PEAK1: variants seen among roughly 807,000 people sequenced by gnomAD.
PEAK1 encodes the protein pseudopodium enriched atypical kinase 1.
Under a neutral mutation model 124.7 loss-of-function variants are expected in PEAK1, and 54 were observed. The observed-to-expected ratio is 0.43, with a 90% confidence interval of 0.35 to 0.54. PEAK1 has a LOEUF of 0.54. PEAK1 is among the 20% of genes least tolerant of loss of function. The pLI, the probability that PEAK1 is intolerant of heterozygous loss-of-function variation, is 0.01. For synonymous variants in PEAK1, 719 were observed against 760.0 expected, an observed-to-expected ratio of 0.95 and a Z score of 0.89; for missense variants, 2,046 against 2,134.5, an observed-to-expected ratio of 0.96 and a Z score of 0.82.
At chr15:77,301,014 G>A (rs1484357213) in intron 2 of PEAK1, among the ~76,000 whole-genome samples, 2 of 152,110 alleles carry the variant, frequency 1.3e-5, no homozygotes, top group African/African-American at 2.4e-5. Context: ...ACCATGCCCA[G>A]CTAATTTTTG....
At chr15:77,368,286 C>T (rs751871935) in intron 1 of PEAK1, among the ~76,000 whole-genome samples, 10 of 152,016 alleles carry the variant, frequency 6.6e-5, no homozygotes, top group African/African-American at 2.2e-4. Flanking sequence ...GAGGCCAAGG[C>T]GGGCGGATCA....
At chr15:77,184,623 G>A (rs149450816) in intron 6 of PEAK1, among the ~76,000 whole-genome samples, 18 of 152,322 alleles carry the variant, frequency 1.2e-4, no homozygotes, top group East Asian at 9.6e-4. Flanking sequence ...TAGGCTGGGC[G>A]CGGTAGCTCA....
intron 6 of PEAK1, among the ~76,000 whole-genome samples, chr15:77,215,918 ATTTAT>A (rs2059130211): frequency 1.3e-5 from 2 of 152,032 alleles, no homozygotes; most frequent in East Asian, 1.9e-4. Flanking sequence ...TTATATTTAT[ATTTAT>A]ATTTATTTTT....
At chr15:77,324,048 T>A (rs1347786343) in intron 2 of PEAK1, among the ~76,000 whole-genome samples, 1 of 152,206 alleles carries the variant, frequency 6.6e-6, no homozygotes, top group East Asian at 1.9e-4. Context: ...ATTCCCTATT[T>A]AACAAAGTTT....
At chr15:77,204,407 A>G (rs1567111160) in intron 6 of PEAK1, among the ~76,000 whole-genome samples, 1 of 152,200 alleles carries the variant, frequency 6.6e-6, no homozygotes, top group South Asian at 2.1e-4. Context: ...CATTTACCCA[A>G]AAGAGCTGAA....
chr15:77,178,157 A>G (rs2056999639), intron 7 of PEAK1: 1 of 152,234 alleles, frequency 6.6e-6, no homozygotes, highest in East Asian at 1.9e-4. Flanking sequence ...TGGGTATGCA[A>G]TCTGTCTAGC....
intron 6 of PEAK1, among the ~76,000 whole-genome samples, chr15:77,242,593 A>G (rs1018481700): frequency 2.8e-4 from 43 of 152,188 alleles, no homozygotes; most frequent in African/African-American, 1.0e-3. Flanking sequence ...ATTAGAGTTA[A>G]GAGGGTATCA....
rs534809644 is a variant in PEAK1 at position 77,402,720 on chromosome 15, G to C, written c.-666+17286C>G. The C allele has an allele frequency of 7.1e-6, 7 of 985,070 alleles. No individual in the cohort carries two copies. In the African/African-American group the frequency reaches 1.2e-4, roughly 17 times the overall value. The allele number at this position is 985,070 out of a possible 1,614,324, so 61.0% of individuals were successfully genotyped here. The stretch of plus-strand genomic sequence containing the variant: ...TGATAATATTCAACTGCTTTCTAAA[G>C]TTCTCATTTATTCCCAGGAAACAAT... On this transcript the variant is annotated intron_variant, in intron 1 of 9. Coordinates refer to ENST00000682557, the MANE Select transcript of PEAK1 (RefSeq NM_001385026.1).
At chr15:77,226,051 ATATAT>A (rs1185263770) in intron 6 of PEAK1, among the ~76,000 whole-genome samples, 2 of 52,364 alleles carry the variant, frequency 3.8e-5, no homozygotes, top group Non-Finnish European at 8.6e-5. Context: ...AGGGATATAT[ATATAT>A]ATATATATAT....
chr15:77,383,305 C>A (rs2069641646), intron 1 of PEAK1, among the ~76,000 whole-genome samples: 1 of 152,142 alleles, frequency 6.6e-6, no homozygotes, highest in African/African-American at 2.4e-5. Flanking sequence ...GGATTACAGA[C>A]ATGAGCTACC....
intron 9 of PEAK1, among the ~76,000 whole-genome samples, chr15:77,121,033 G>A (rs1160847310): frequency 6.6e-6 from 1 of 151,778 alleles, no homozygotes; most frequent in Non-Finnish European, 1.5e-5. Flanking sequence ...CTCTATTATT[G>A]CAGTTATCAC....
chr15:77,264,165 A>C (rs984597016), intron 5 of PEAK1, among the ~76,000 whole-genome samples: 8 of 152,090 alleles, frequency 5.3e-5, no homozygotes, highest in Non-Finnish European at 8.8e-5. Flanking sequence ...ATGGGCAAAA[A>C]CTGGAAGCAT....
chr15:77,160,640 C>T (rs948789724), intron 7 of PEAK1, among the ~76,000 whole-genome samples: 4 of 152,076 alleles, frequency 2.6e-5, no homozygotes, highest in African/African-American at 7.2e-5. Context: ...CGTGCCACTG[C>T]GCTCCAGCCT....
chr15:77,345,409 A>G (rs1244388262), intron 2 of PEAK1, among the ~76,000 whole-genome samples: 1 of 152,236 alleles, frequency 6.6e-6, no homozygotes. Context: ...TTTTGTAACA[A>G]AACATTTAAA....
chr15:77,348,586 C>T lies in PEAK1; in HGVS notation c.-603+16577G>A, dbSNP rs2067012950. ...AGTGACCAGCCCAGAGTTGAAAAAG[C>T]AGGCAGAAAAAGGGCTAAAATCTTG... On this transcript the variant is annotated intron_variant, in intron 2 of 9. Coordinates refer to ENST00000682557, the MANE Select transcript of PEAK1 (RefSeq NM_001385026.1). The T allele has an allele frequency of 8.2e-6, 8 of 975,472 alleles. No individual in the cohort carries two copies. In the South Asian group the frequency reaches 3.3e-4, roughly 41 times the overall value. The allele number at this position is 975,472 out of a possible 1,614,324, so 60.4% of individuals were successfully genotyped here.
chr15:77,408,108 TATATACAC>T (rs1471261550), intron 1 of PEAK1, among the ~76,000 whole-genome samples: 4 of 148,522 alleles, frequency 2.7e-5, no homozygotes, highest in Admixed American at 2.1e-4. Flanking sequence ...CATATATACA[TATATACAC>T]ATATATACAT....
chr15:77,232,330 C>G (rs1275257177), intron 6 of PEAK1, among the ~76,000 whole-genome samples: 1 of 152,172 alleles, frequency 6.6e-6, no homozygotes, highest in Non-Finnish European at 1.5e-5. Flanking sequence ...CACACACACA[C>G]ACACACACTG....
At chr15:77,287,862 T>C (rs1214955082) in intron 2 of PEAK1, among the ~76,000 whole-genome samples, 1 of 152,206 alleles carries the variant, frequency 6.6e-6, no homozygotes, top group African/African-American at 2.4e-5. Flanking sequence ...AAGCTAAAAG[T>C]TGGGCAATCA....
chr15:77,371,226 T>C (rs930183548), intron 1 of PEAK1: 1 of 984,242 alleles, frequency 1.0e-6, no homozygotes, highest in Non-Finnish European at 1.2e-6. Context: ...ACCTTTCACA[T>C]TCTGGTTCAC....
Sources: gnomAD v4.1 joint callset for allele counts (sites outside exome capture counted in the v4.1 genomes callset) on GRCh38, gnomAD v4.1.1 for gene constraint, MANE v1.5 for transcripts, NCBI Gene and HGNC (gene_info 2026-07-23, HGNC 2026-07-21) for gene names.